Variants in TPSAB1 observed in about 807,000 individuals in gnomAD.
TPSAB1 encodes the protein tryptase alpha/beta 1.
TPSAB1 carries 15 observed loss-of-function variants against 21.8 expected under a neutral mutation model. The observed-to-expected ratio is 0.69, with a 90% CI of 0.46 to 1.06. The LOEUF (loss-of-function observed/expected upper bound fraction) is 1.06. TPSAB1 is among the 50% of genes least tolerant of loss of function. TPSAB1 has a pLI of 0.00. For synonymous variants in TPSAB1, 74 were observed against 140.4 expected (o/e 0.53, Z 3.34); for missense variants, 186 against 311.2 (o/e 0.60, Z 3.03).
At position 1,242,337 on chromosome 16, in the gene TPSAB1, C is replaced by T. The variant is rs897467873; in HGVS notation, c.*97C>T. ...CCCAGGTGGCGACTGCCCCCCACAC[C>T]TTCCCTGCCCCGTCCTGAGTGCCCC... On this transcript the variant is annotated 3_prime_UTR_variant, in exon 6 of 6. Coordinates refer to ENST00000338844, the MANE Select transcript of TPSAB1 (RefSeq NM_003294.4). 6 of 1,440,340 alleles carry T rather than the reference C, an allele frequency of 4.2e-6. No individual in the cohort carries two copies. In the African/African-American group the frequency reaches 5.7e-5, roughly 14 times the overall value. The allele number at this position is 1,440,340 out of a possible 1,614,324, so 89.2% of individuals were successfully genotyped here. A position where few individuals can be genotyped will look rare whatever the true frequency, so the allele number is the denominator to read the frequency against.
Position 1,242,270 on chromosome 16 carries a change from T to C in TPSAB1, c.*30T>C. Reference sequence around the variant, plus strand: ...GGCCTGGGTTGGCCACCTGGGTCACTGGAGGACCAACCCCTGCTGTCCAAA... The same window carrying C: ...GGCCTGGGTTGGCCACCTGGGTCACCGGAGGACCAACCCCTGCTGTCCAAA... On this transcript the variant is annotated 3_prime_UTR_variant, in exon 6 of 6. Transcript: ENST00000338844. The C allele has an allele frequency of 2.5e-6, 4 of 1,611,898 alleles. No homozygotes were observed. The highest frequency in any genetic ancestry group is 3.4e-6 in the Non-Finnish European group (4 of 1,179,010).
chr16:1,240,916 C>G (rs1338917430), intron 1 of TPSAB1, 23 bp from the exon 2 acceptor site: 2 of 1,078,444 alleles, frequency 1.9e-6, no homozygotes, highest in Non-Finnish European at 2.6e-6. Context: ...GCCAGGCCCA[C>G]GATGCTCCTC....
rs1234583662 is a variant in TPSAB1, at chr16:1,242,149, A to G, written c.737A>G (p.Glu246Gly). 1 of 1,591,196 alleles carries G rather than the reference A, an allele frequency of 6.3e-7. No homozygotes were observed. The change falls in exon 6 of 6, where the codon GAG (glutamate) becomes GGG (glycine). Residue 246 changes from glutamate (E) to glycine (G), a missense_variant. This residue lies in a region of TPSAB1 where 85 missense variants were observed against 104.3 expected (regional missense o/e 0.81). Coordinates refer to ENST00000338844, the MANE Select transcript of TPSAB1 (RefSeq NM_003294.4). Reference sequence around the variant, plus strand: ...CAGGCGGGCGTGGTCAGCTGGGGCGAGGGCTGTGCCCAGCCCAACCGGCCT... The same window carrying G: ...CAGGCGGGCGTGGTCAGCTGGGGCGGGGGCTGTGCCCAGCCCAACCGGCCT... ...WLQAGVVSWG[E>G]GCAQPNRPGI...
chr16:1,242,346 C>T lies in TPSAB1; in HGVS notation c.*106C>T. Reference sequence around the variant, plus strand: ...CGACTGCCCCCCACACCTTCCCTGCCCCGTCCTGAGTGCCCCTTCCTGTCC... The same window carrying T: ...CGACTGCCCCCCACACCTTCCCTGCTCCGTCCTGAGTGCCCCTTCCTGTCC... On this transcript the variant is annotated 3_prime_UTR_variant, in exon 6 of 6. Transcript: ENST00000338844. 3 of 1,266,282 alleles carry T rather than the reference C, an allele frequency of 2.4e-6. No homozygotes were observed. Among genetic ancestry groups the T allele is most frequent in the South Asian group, 1.5e-5 (1 of 65,116 alleles). 78.4% of individuals were successfully genotyped at this position (1,266,282 alleles called of 1,614,324 possible).
Position 1,242,314 on chromosome 16 carries a change from C to T in TPSAB1, c.*74C>T. 2.5e-6 allele frequency: 4 copies of T among 1,584,204 alleles called. No individual in the cohort carries two copies. In the South Asian group the frequency reaches 3.5e-5, roughly 14 times the overall value. ...GTCCAAAACACCACTGCTTCCTACC[C>T]AGGTGGCGACTGCCCCCCACACCTT... is the stretch of plus-strand genomic sequence containing the variant. On this transcript the variant is annotated 3_prime_UTR_variant, in exon 6 of 6. Transcript: ENST00000338844.
chr16:1,242,136 G>A lies in TPSAB1; in HGVS notation c.724G>A (p.Val242Ile). The change falls in exon 6 of 6, where the codon GTC (valine) becomes ATC (isoleucine). Residue 242 changes from valine (V) to isoleucine (I), a missense_variant. By Grantham distance (29) the Val-to-Ile change is conservative (BLOSUM62 3). Coordinates refer to ENST00000338844, the MANE Select transcript of TPSAB1 (RefSeq NM_003294.4). ...TGGCACCTGGCTGCAGGCGGGCGTG[G>A]TCAGCTGGGGCGAGGGCTGTGCCCA... is the stretch of plus-strand genomic sequence containing the variant. ...VNGTWLQAGV[V>I]SWGEGCAQPN... The A allele has an allele frequency of 6.3e-7, 1 of 1,575,140 alleles. No homozygotes were observed. Among genetic ancestry groups the A allele is most frequent in the Non-Finnish European group, 8.6e-7 (1 of 1,165,640 alleles).
rs2030694895 is a variant in TPSAB1 at position 1,242,506 on chromosome 16, G to A, written c.*266G>A. The A allele has an allele frequency of 3.5e-6, 1 of 286,696 alleles. No homozygotes were observed. The highest frequency in any genetic ancestry group is 2.7e-5 in the African/African-American group (1 of 37,540). 17.8% of individuals were successfully genotyped at this position (286,696 alleles called of 1,614,324 possible). ...TCCCCTGCCCAGATAGCTGGTGGTG[G>A]GCGCTAATCCTCCTGAGTGCTGGAC... On this transcript the variant is annotated 3_prime_UTR_variant, in exon 6 of 6. Coordinates refer to ENST00000338844, the MANE Select transcript of TPSAB1 (RefSeq NM_003294.4).
Position 1,241,210 on chromosome 16 carries a change from G to T in TPSAB1, c.119G>T (p.Ser40Ile), listed in dbSNP as rs570119025. The T allele has an allele frequency of 1.5e-5, 24 of 1,611,920 alleles. No individual in the cohort carries two copies. In the South Asian group the frequency reaches 2.6e-4, roughly 18 times the overall value. The change falls in exon 3 of 6, where the codon AGC becomes ATC. Residue 40 changes from serine to isoleucine, a missense_variant. Physicochemically the swap from Ser to Ile is moderately radical, Grantham distance 142 (BLOSUM62 -2). This residue lies in a region of TPSAB1 where 89 missense variants were observed against 74.9 expected (regional missense o/e 1.19). Transcript: ENST00000338844. ...GTCGGGGGTCAGGAGGCCCCCAGGA[G>T]CAAGTGGCCCTGGCAGGTGAGCCTG... Reference protein sequence around the residue: ...GIVGGQEAPRSKWPWQVSLRV... With the variant: ...GIVGGQEAPRIKWPWQVSLRV...
Position 1,242,063 on chromosome 16 carries a change from C to T in TPSAB1, c.664-13C>T. On this transcript the variant is annotated splice_polypyrimidine_tract_variant and intron_variant, in intron 5 of 5. Transcript: ENST00000338844. Reference sequence around the variant, plus strand: ...AGGCCTGTTCGGCGAGCGCTGACCTCTGACCTTCCCAGGGCGACTCCGGAG... The same window carrying T: ...AGGCCTGTTCGGCGAGCGCTGACCTTTGACCTTCCCAGGGCGACTCCGGAG... The T allele has an allele frequency of 1.6e-6, 2 of 1,253,878 alleles. No homozygotes were observed. Among genetic ancestry groups the T allele is most frequent in the Non-Finnish European group, 1.0e-6 (1 of 982,302 alleles). The allele number at this position is 1,253,878 out of a possible 1,614,324, so 77.7% of individuals were successfully genotyped here.
Position 1,241,227 on chromosome 16 carries a change from G to A in TPSAB1, c.136G>A (p.Val46Met). Residue 46 changes from valine to methionine, a missense_variant, in exon 3 of 6, where the codon GTG becomes ATG. Around this residue, in one of 4 missense-constraint regions of TPSAB1, gnomAD observed 89 missense variants for 74.9 expected, o/e 1.19. Transcript: ENST00000338844. ...EAPRSKWPWQ[V>M]SLRVHGPYWM... ...CCCCAGGAGCAAGTGGCCCTGGCAG[G>A]TGAGCCTGAGAGTCCACGGCCCATA... is the stretch of plus-strand genomic sequence containing the variant. 6.2e-7 allele frequency: 1 copy of A among 1,612,254 alleles called. No homozygotes were observed. The highest frequency in any genetic ancestry group is 1.1e-5 in the South Asian group (1 of 90,774).
In TPSAB1 at chr16:1,242,297, C is replaced by G; in HGVS notation, c.*57C>G. 1 of 1,605,428 alleles carries G rather than the reference C, an allele frequency of 6.2e-7. No individual in the cohort carries two copies. Among genetic ancestry groups the G allele is most frequent in the African/African-American group, 1.3e-5 (1 of 74,734 alleles). On this transcript the variant is annotated 3_prime_UTR_variant, in exon 6 of 6. Transcript: ENST00000338844. ...GAGGACCAACCCCTGCTGTCCAAAA[C>G]ACCACTGCTTCCTACCCAGGTGGCG... is the stretch of plus-strand genomic sequence containing the variant.
Position 1,241,289 on chromosome 16 carries a change from C to G in TPSAB1, c.198C>G (p.Pro66=), listed in dbSNP as rs372065129. 45 of 1,611,294 alleles carry G rather than the reference C, an allele frequency of 2.8e-5. No homozygotes were observed. In the Middle Eastern group the frequency reaches 1.2e-3, roughly 43 times the overall value. The change falls in exon 3 of 6, where the codon CCC becomes CCG. Residue 66 remains proline, a synonymous_variant. Transcript: ENST00000338844. ...TCTGCGGGGGCTCCCTCATCCACCC[C>G]CAGTGGGTGCTGACCGCAGCGCACT... The part of the protein sequence containing the change: ...MHFCGGSLIH[P]QWVLTAAHCV...
intron 4 of TPSAB1, 58 bp downstream of exon 4, chr16:1,241,757 G>T (rs2141439147): frequency 5.9e-6 from 1 of 170,504 alleles, no homozygotes; most frequent in East Asian, 1.8e-4. Context: ...CAGCCCCTGG[G>T]CTCCCTCTGG....
rs955819018 is a variant in TPSAB1 at position 1,240,711 on chromosome 16, G to C, written c.-18G>C. The C allele has an allele frequency of 1.7e-6, 1 of 598,050 alleles. No homozygotes were observed. The highest frequency in any genetic ancestry group is 2.9e-6 in the Non-Finnish European group (1 of 339,108). 37.0% of individuals were successfully genotyped at this position (598,050 alleles called of 1,614,324 possible). On this transcript the variant is annotated 5_prime_UTR_variant, in exon 1 of 6. Coordinates refer to ENST00000338844, the MANE Select transcript of TPSAB1 (RefSeq NM_003294.4). ...GAGGGGAGAGCCCACTGGGTAGAAG[G>C]AACAGGGAGCGGCCAGGGTAAGTCC...
At chr16:1,241,107 C>T in intron 2 of TPSAB1, 46 bp from the exon 3 acceptor site, 1 of 1,525,002 alleles carries the variant, frequency 6.6e-7, no homozygotes, top group Non-Finnish European at 8.8e-7. Context: ...AGGGCTGGGC[C>T]CAGGCCTGGG....
rs1485513623 is a variant in TPSAB1, at chr16:1,241,153, C to T, written c.62C>T (p.Ala21Val). 1 of 1,586,730 alleles carries T rather than the reference C, an allele frequency of 6.3e-7. No homozygotes were observed. Among genetic ancestry groups the T allele is most frequent in the African/African-American group, 1.3e-5 (1 of 74,128 alleles). Residue 21 changes from alanine to valine, a missense_variant and splice_region_variant, in exon 3 of 6, where the codon GCC becomes GTC. Physicochemically the swap from Ala to Val is moderately conservative, Grantham distance 64. This residue lies in a region of TPSAB1 where 89 missense variants were observed against 74.9 expected (regional missense o/e 1.19). Transcript: ENST00000338844. ...GGTCCTGACCTGGCACCTGCCCCAG[C>T]CCCAGGCCAGGCCCTGCAGCGAGTG... ...VLASRAYAAP[A>V]PGQALQRVGI...
In TPSAB1 at chr16:1,241,293, T is replaced by C; in HGVS notation, c.202T>C (p.Trp68Arg). 3.7e-6 allele frequency: 6 copies of C among 1,611,410 alleles called. No individual in the cohort carries two copies. Among genetic ancestry groups the C allele is most frequent in the Non-Finnish European group, 5.1e-6 (6 of 1,178,720 alleles). Reference protein sequence around the residue: ...FCGGSLIHPQWVLTAAHCVGP... With the variant: ...FCGGSLIHPQRVLTAAHCVGP... ...CGGGGGCTCCCTCATCCACCCCCAG[T>C]GGGTGCTGACCGCAGCGCACTGCGT... is the stretch of plus-strand genomic sequence containing the variant. Residue 68 changes from tryptophan (W) to arginine (R), a missense_variant, in exon 3 of 6, where the codon TGG (tryptophan) becomes CGG (arginine). By Grantham distance (101) the Trp-to-Arg change is moderately radical (BLOSUM62 -3). Coordinates refer to ENST00000338844, the MANE Select transcript of TPSAB1 (RefSeq NM_003294.4).
In TPSAB1 at chr16:1,242,146, G is replaced by C; in HGVS notation, c.734G>C (p.Gly245Ala). Reference protein sequence around the residue: ...TWLQAGVVSWGEGCAQPNRPG... With the variant: ...TWLQAGVVSWAEGCAQPNRPG... Reference sequence around the variant, plus strand: ...CTGCAGGCGGGCGTGGTCAGCTGGGGCGAGGGCTGTGCCCAGCCCAACCGG... The same window carrying C: ...CTGCAGGCGGGCGTGGTCAGCTGGGCCGAGGGCTGTGCCCAGCCCAACCGG... The change falls in exon 6 of 6, where the codon GGC becomes GCC. Residue 245 changes from glycine (G) to alanine (A), a missense_variant. Gly to Ala is a moderately conservative substitution (Grantham distance 60). Around this residue, in one of 4 missense-constraint regions of TPSAB1, gnomAD observed 85 missense variants for 104.3 expected, o/e 0.81. Coordinates refer to ENST00000338844, the MANE Select transcript of TPSAB1 (RefSeq NM_003294.4). 1.3e-6 allele frequency: 2 copies of C among 1,547,086 alleles called. No homozygotes were observed. The highest frequency in any genetic ancestry group is 1.8e-6 in the Non-Finnish European group (2 of 1,141,582).
At position 1,241,143 on chromosome 16, in the gene TPSAB1, C is replaced by T. The variant is rs756249262; in HGVS notation, c.62-10C>T. On this transcript the variant is annotated splice_polypyrimidine_tract_variant and intron_variant, in intron 2 of 5. Coordinates refer to ENST00000338844, the MANE Select transcript of TPSAB1 (RefSeq NM_003294.4). ...GCTGCTTCCTGGTCCTGACCTGGCA[C>T]CTGCCCCAGCCCCAGGCCAGGCCCT... 10 of 1,573,248 alleles carry T rather than the reference C, an allele frequency of 6.4e-6. No homozygotes were observed. The highest frequency in any genetic ancestry group is 1.4e-5 in the African/African-American group (1 of 73,564).
Sources: allele counts gnomAD v4.1 joint callset, GRCh38; gene constraint gnomAD v4.1.1; regional missense constraint gnomAD v4.1.1; transcripts MANE v1.5; gene names NCBI Gene and HGNC (gene_info 2026-07-23, HGNC 2026-07-21).